Variants in ZNF827 observed in about 807,000 individuals in gnomAD.
The protein encoded by ZNF827 is zinc finger protein 827.
A neutral mutation model predicts 102.4 loss-of-function variants in ZNF827; 13 were observed. The ratio of observed to expected loss-of-function variants is 0.13; its 90% CI spans 0.08 to 0.20. ZNF827 has a LOEUF of 0.20. Among genes scored for constraint, ZNF827 ranks in the 10% least tolerant of loss-of-function variants. The pLI is 1.00. For synonymous variants in ZNF827, 523 were observed against 536.2 expected (o/e 0.98, Z 0.34); for missense variants, 1,103 against 1,344.4 (o/e 0.82, Z 2.81).
At position 145,886,036 on chromosome 4, in the gene ZNF827, G is replaced by A. The variant is rs780833503; in HGVS notation, c.1389C>T (p.Ala463=). The change falls in exon 4 of 15, where the codon GCC becomes GCT. Residue 463 remains alanine, a synonymous_variant. Transcript: ENST00000508784. ...GGTCTGGGATCTCCTCCTTCACCTTGGCTTCTGTCCTCAGGAAGTGCTGAT... is the reference window on the plus strand; with the variant it reads ...GGTCTGGGATCTCCTCCTTCACCTTAGCTTCTGTCCTCAGGAAGTGCTGAT... The part of the protein sequence containing the change: ...RCHQHFLRTE[A]KVKEEIPDPD... The A allele has an allele frequency of 6.2e-7, 1 of 1,614,184 alleles. No homozygotes were observed. The highest frequency in any genetic ancestry group is 8.5e-7 in the Non-Finnish European group (1 of 1,180,024).
intron 7 of ZNF827, among the ~76,000 whole-genome samples, chr4:145,835,951 A>G (rs1287968985): frequency 6.6e-6 from 1 of 150,900 alleles, no homozygotes; most frequent in Admixed American, 6.6e-5. Flanking sequence ...ATACTCTCCT[A>G]TCCTCAATAC....
chr4:145,829,519 A>T (rs567344588), intron 7 of ZNF827, among the ~76,000 whole-genome samples: 2 of 152,250 alleles, frequency 1.3e-5, no homozygotes, highest in African/African-American at 4.8e-5. Flanking sequence ...GAGCTGGATA[A>T]AACATGTCTG....
chr4:145,879,813 A>C (rs1749512694), intron 4 of ZNF827, among the ~76,000 whole-genome samples: 1 of 152,214 alleles, frequency 6.6e-6, no homozygotes, highest in African/African-American at 2.4e-5. Flanking sequence ...AATCCTGGCT[A>C]ATTCCACAAC....
intron 2 of ZNF827, among the ~76,000 whole-genome samples, chr4:145,897,383 G>C (rs1561053963): frequency 6.6e-6 from 1 of 152,140 alleles, no homozygotes; most frequent in Non-Finnish European, 1.5e-5. Flanking sequence ...AATATAACTT[G>C]CAACTGGGTG....
chr4:145,912,966 T>C (rs1752395625), intron 1 of ZNF827, among the ~76,000 whole-genome samples: 1 of 152,234 alleles, frequency 6.6e-6, no homozygotes, highest in Admixed American at 6.5e-5. Context: ...TTCTCAACTA[T>C]AGCCTCAGTT....
At chr4:145,855,846 T>C (rs1293317942) in intron 5 of ZNF827, among the ~76,000 whole-genome samples, 1 of 152,186 alleles carries the variant, frequency 6.6e-6, no homozygotes, top group African/African-American at 2.4e-5. Flanking sequence ...CCCAGTGCAA[T>C]GGAGATACCT....
intron 7 of ZNF827, among the ~76,000 whole-genome samples, chr4:145,836,180 G>A (rs1000163677): frequency 4.6e-5 from 7 of 151,594 alleles, no homozygotes; most frequent in African/African-American, 1.7e-4. Context: ...TACCTATCTC[G>A]GCATAATTCT....
intron 11 of ZNF827, among the ~76,000 whole-genome samples, chr4:145,771,788 C>T (rs995284106): frequency 2.0e-5 from 3 of 152,188 alleles, no homozygotes; most frequent in African/African-American, 7.2e-5. Flanking sequence ...AGAGCTTATC[C>T]TGTAGATCAC....
chr4:145,907,033 A>C, intron 1 of ZNF827: 1 of 456,476 alleles, frequency 2.2e-6, no homozygotes, highest in Non-Finnish European at 4.4e-6. Context: ...TTGAGGAGAA[A>C]CATAGCTGAA....
rs1351095030 is a variant in ZNF827 at position 145,762,313 on chromosome 4, G to A, written c.*18-715C>T. On this transcript the variant is annotated intron_variant, in intron 14 of 14. Transcript: ENST00000508784. This position sits in a 1 kb window ranked among gnomAD's most constrained non-coding sequence, Gnocchi z 4.9. ...GGGAGGAGAAGGAAGCCCACCCAAC[G>A]GCCCATCTGCTAATGAGGAAGGGAG... 6.6e-6 allele frequency among the ~76,000 whole-genome samples: 1 copy of A among 152,146 alleles called. No homozygotes were observed. The highest frequency in any genetic ancestry group is 1.5e-5 in the Non-Finnish European group (1 of 68,034).
rs569257775 is a variant in ZNF827, at chr4:145,761,631, C to A, written c.*18-33G>T. ...GGAAAGCAACGCAAGGGAGGTTCAGCCGGGAAGGTTCGGAGGCAGCCGCGC... is the reference window on the plus strand; with the variant it reads ...GGAAAGCAACGCAAGGGAGGTTCAGACGGGAAGGTTCGGAGGCAGCCGCGC... On this transcript the variant is annotated intron_variant, in intron 14 of 14. Coordinates refer to ENST00000508784, the MANE Select transcript of ZNF827 (RefSeq NM_001306215.2). The surrounding 1 kb of genome is among the most constrained non-coding windows in gnomAD (Gnocchi z 6.8). The A allele has an allele frequency of 8.3e-7, 1 of 1,209,346 alleles. No homozygotes were observed. Among genetic ancestry groups the A allele is most frequent in the South Asian group, 1.4e-5 (1 of 70,784 alleles). The allele number at this position is 1,209,346 out of a possible 1,614,324, so 74.9% of individuals were successfully genotyped here. A position where few individuals can be genotyped will look rare whatever the true frequency, so the allele number is the denominator to read the frequency against.
intron 1 of ZNF827, among the ~76,000 whole-genome samples, chr4:145,922,175 A>G (rs1753118783): frequency 6.6e-6 from 1 of 152,184 alleles, no homozygotes; most frequent in African/African-American, 2.4e-5. Context: ...TTACCTAGTA[A>G]AGCTGAAGAC....
chr4:145,759,876 A>T lies in ZNF827; in HGVS notation c.*1740T>A, dbSNP rs1316919851. On this transcript the variant is annotated 3_prime_UTR_variant, in exon 15 of 15. Coordinates refer to ENST00000508784, the MANE Select transcript of ZNF827 (RefSeq NM_001306215.2). ...TTTCTTTTTCCTGCAAACAAATGGT[A>T]ACCACTGAATTAATACATCTCATAT... 1 of 152,210 alleles carries T rather than the reference A, an allele frequency of 6.6e-6. No homozygotes were observed. The highest frequency in any genetic ancestry group is 1.9e-4 in the East Asian group (1 of 5,198). The allele number at this position is 152,210 out of a possible 1,614,324, so 9.4% of individuals were successfully genotyped here.
chr4:145,828,807 A>C (rs992427747), intron 7 of ZNF827, among the ~76,000 whole-genome samples: 1 of 152,202 alleles, frequency 6.6e-6, no homozygotes, highest in African/African-American at 2.4e-5. Flanking sequence ...CACAGGGCTG[A>C]GAAAGGAAAA....
intron 7 of ZNF827, among the ~76,000 whole-genome samples, chr4:145,827,410 T>C (rs1351258886): frequency 6.6e-6 from 1 of 152,074 alleles, no homozygotes; most frequent in African/African-American, 2.4e-5. Flanking sequence ...GTAAAAATAA[T>C]TTTTGTCTTT....
At chr4:145,825,714 C>T (rs1743611309) in intron 7 of ZNF827, among the ~76,000 whole-genome samples, 1 of 152,184 alleles carries the variant, frequency 6.6e-6, no homozygotes, top group East Asian at 1.9e-4. Context: ...TGCGTCTTCA[C>T]ATGCTGTCTT....
intron 8 of ZNF827, among the ~76,000 whole-genome samples, chr4:145,804,453 TG>T (rs1163002813): frequency 6.6e-6 from 1 of 152,140 alleles, no homozygotes; most frequent in East Asian, 1.9e-4. Context: ...TTTTTTCTGG[TG>T]GCTAAAAAAC....
intron 8 of ZNF827, among the ~76,000 whole-genome samples, chr4:145,803,096 T>C (rs531021779): frequency 2.2e-4 from 34 of 152,318 alleles, no homozygotes; most frequent in African/African-American, 7.7e-4. Flanking sequence ...CTGTCATCAC[T>C]TATCTACTTT....
intron 8 of ZNF827, among the ~76,000 whole-genome samples, chr4:145,792,903 G>C (rs1418104934): frequency 1.3e-5 from 2 of 152,032 alleles, no homozygotes; most frequent in Non-Finnish European, 2.9e-5. Flanking sequence ...GCAAAATATG[G>C]CAGGACTACT....
Sources: gnomAD v4.1 joint callset for allele counts (sites outside exome capture counted in the v4.1 genomes callset) on GRCh38, gnomAD v4.1.1 for gene constraint, Gnocchi (gnomAD v3.1) non-coding constraint, MANE v1.5 for transcripts, NCBI Gene and HGNC (gene_info 2026-07-23, HGNC 2026-07-21) for gene names.